Variants in ENAH observed in about 807,000 individuals in gnomAD.
The protein encoded by ENAH is protein enabled homolog.
A neutral mutation model predicts 78.7 loss-of-function variants in ENAH; 23 were observed. That is an observed-to-expected ratio of 0.29 (90% CI 0.21 to 0.41). The LOEUF (loss-of-function observed/expected upper bound fraction) is 0.41, where lower values mean the gene tolerates loss of function less well. Among genes scored for constraint, ENAH ranks in the 10% least tolerant of loss-of-function variants. The probability of loss-of-function intolerance (pLI) is 1.00; values close to 1 mark genes in which losing one functional copy is unlikely to be tolerated. For synonymous variants in ENAH, 226 were observed against 241.0 expected, an observed-to-expected ratio of 0.94 and a Z score of 0.58; for missense variants, 544 against 691.0, an observed-to-expected ratio of 0.79 and a Z score of 2.39.
chr1:225,522,631 G>T (rs1161282035), intron 4 of ENAH, among the ~76,000 whole-genome samples: 1 of 152,148 alleles, frequency 6.6e-6, no homozygotes, highest in Non-Finnish European at 1.5e-5. Flanking sequence ...AGGAAAGTCA[G>T]GGTTGGTTGT....
chr1:225,615,750 T>C (rs1439964613), intron 1 of ENAH, among the ~76,000 whole-genome samples: 2 of 148,284 alleles, frequency 1.3e-5, no homozygotes, highest in African/African-American at 2.5e-5. Context: ...GTCTGGGAGG[T>C]GAGGAGCGTC....
chr1:225,546,458 G>C (rs776708375), intron 3 of ENAH, among the ~76,000 whole-genome samples: 5 of 152,298 alleles, frequency 3.3e-5, no homozygotes, highest in Non-Finnish European at 7.4e-5. Context: ...GAGAGGGAGA[G>C]GGCAAGGGAA....
intron 1 of ENAH, among the ~76,000 whole-genome samples, chr1:225,612,085 T>C (rs2096992919): frequency 6.6e-6 from 1 of 152,146 alleles, no homozygotes; most frequent in Non-Finnish European, 1.5e-5. Context: ...CACTCCTAGA[T>C]ATATGTCCGA....
In ENAH at chr1:225,496,954, A is replaced by G. The variant is rs2096252367; in HGVS notation, c.*821T>C. ...TTACATTATAAAAATGTCCACATGC[A>G]TAAATCTAAAAAAGGTTGAAAACCT... On this transcript the variant is annotated 3_prime_UTR_variant, in exon 14 of 14. Coordinates refer to ENST00000366843, the MANE Select transcript of ENAH (RefSeq NM_018212.6). 1 of 152,680 alleles carries G rather than the reference A, an allele frequency of 6.5e-6. No homozygotes were observed. The highest frequency in any genetic ancestry group is 2.4e-5 in the African/African-American group (1 of 41,470). 9.5% of individuals were successfully genotyped at this position (152,680 alleles called of 1,614,324 possible).
At chr1:225,602,778 C>T (rs1054152470) in intron 1 of ENAH, among the ~76,000 whole-genome samples, 10 of 151,972 alleles carry the variant, frequency 6.6e-5, no homozygotes, top group African/African-American at 2.4e-4. Context: ...AGAGAGAAAA[C>T]TGTCACTGCT....
intron 3 of ENAH, among the ~76,000 whole-genome samples, chr1:225,540,382 T>C (rs1166474445): frequency 6.6e-6 from 1 of 152,204 alleles, no homozygotes; most frequent in Non-Finnish European, 1.5e-5. Context: ...TTTTACTCTT[T>C]ATAAGTAATT....
chr1:225,621,879 A>AGTATTT lies in ENAH; in HGVS notation c.5+30801_5+30806dup, dbSNP rs1481931729. The stretch of plus-strand genomic sequence containing the variant: ...GCTCTACTCAGTCCTTGGAGACAGA[A>AGTATTT]GTATTTGCCTTGGAAGAGGGGAGAC... On this transcript the variant is annotated intron_variant, in intron 1 of 13. Coordinates refer to ENST00000366843, the MANE Select transcript of ENAH (RefSeq NM_018212.6). Among the ~76,000 whole-genome samples, 3 of 152,156 alleles carry AGTATTT rather than the reference A, an allele frequency of 2.0e-5. No homozygotes were observed. In the East Asian group the frequency reaches 5.8e-4, roughly 29 times the overall value.
chr1:225,566,044 A>G (rs1172561877), intron 2 of ENAH, among the ~76,000 whole-genome samples: 1 of 152,048 alleles, frequency 6.6e-6, no homozygotes, highest in Non-Finnish European at 1.5e-5. Context: ...ATTTGTTTTT[A>G]CCACGTGCCC....
In ENAH at chr1:225,652,987, C is replaced by A; in HGVS notation, c.-297G>T. On this transcript the variant is annotated 5_prime_UTR_variant, in exon 1 of 14. Transcript: ENST00000366843. Reference sequence around the variant, plus strand: ...CTCCTCGTGGTCCTGCTCCTCCTCCCGGAGCTTCCTCGGCCGCCCTCTGAG... The same window carrying A: ...CTCCTCGTGGTCCTGCTCCTCCTCCAGGAGCTTCCTCGGCCGCCCTCTGAG... 1 of 310,510 alleles carries A rather than the reference C, an allele frequency of 3.2e-6. No individual in the cohort carries two copies. Among genetic ancestry groups the A allele is most frequent in the South Asian group, 1.5e-4 (1 of 6,736 alleles). 19.2% of individuals were successfully genotyped at this position (310,510 alleles called of 1,614,324 possible). A position where few individuals can be genotyped will look rare whatever the true frequency, so the allele number is the denominator to read the frequency against.
chr1:225,628,358 T>TA (rs1337515873), intron 1 of ENAH, among the ~76,000 whole-genome samples: 4 of 152,192 alleles, frequency 2.6e-5, no homozygotes, highest in Non-Finnish European at 4.4e-5. Context: ...CTTAAGGAAT[T>TA]AGTCTGCAAT....
At chr1:225,516,954 C>T (rs919499531) in intron 6 of ENAH, among the ~76,000 whole-genome samples, 2 of 151,042 alleles carry the variant, frequency 1.3e-5, no homozygotes, top group African/African-American at 2.4e-5. Flanking sequence ...TCTTTAACTG[C>T]GATACTATAA....
intron 1 of ENAH, among the ~76,000 whole-genome samples, chr1:225,635,790 A>G (rs1659957285): frequency 6.6e-6 from 1 of 152,220 alleles, no homozygotes; most frequent in Admixed American, 6.5e-5. Context: ...ACAGACAGGA[A>G]AAGACAGCCA....
intron 3 of ENAH, among the ~76,000 whole-genome samples, chr1:225,548,602 A>G (rs188425350): frequency 1.2e-4 from 19 of 152,294 alleles, no homozygotes; most frequent in African/African-American, 4.6e-4. Context: ...CGAAAACCCA[A>G]TCCCCTTTGT....
intron 11 of ENAH, among the ~76,000 whole-genome samples, chr1:225,503,215 A>G: frequency 6.6e-6 from 1 of 152,350 alleles, no homozygotes; most frequent in Non-Finnish European, 1.5e-5. Context: ...TTTTACCAAA[A>G]AAGTTTATCA....
At position 225,567,420 on chromosome 1, in the gene ENAH, AAAAAT is replaced by A. The variant is rs762547857; in HGVS notation, c.6-11_6-7del. The A allele has an allele frequency of 2.4e-5, 38 of 1,596,924 alleles. No individual in the cohort carries two copies. Among genetic ancestry groups the A allele is most frequent in the African/African-American group, 5.4e-5 (4 of 74,062 alleles). ...CCTGACAGATACTCTGTTCACTGTA[AAAAAT>A]AAAATAAAATATTCAAACTTGCAAT... On this transcript the variant is annotated splice_region_variant and splice_polypyrimidine_tract_variant and intron_variant, in intron 1 of 13. Transcript: ENST00000366843.
rs1207603193 is a variant in ENAH, at chr1:225,500,988, C to T, written c.1617+4G>A. ...ATAAAGGAAAGCTGCCACTGAGCAC[C>T]CACCTGCTTCAGCCTGTCATAGTCA... On this transcript the variant is annotated splice_donor_region_variant and intron_variant, in intron 12 of 13. Transcript: ENST00000366843. 6.2e-7 allele frequency: 1 copy of T among 1,613,602 alleles called. No individual in the cohort carries two copies. Among genetic ancestry groups the T allele is most frequent in the East Asian group, 2.2e-5 (1 of 44,870 alleles).
chr1:225,585,775 T>TGA (rs2096843088), intron 1 of ENAH, among the ~76,000 whole-genome samples: 1 of 150,580 alleles, frequency 6.6e-6, no homozygotes, highest in African/African-American at 2.5e-5. Flanking sequence ...GGAGACAGAG[T>TGA]GAGACCCTGT....
intron 9 of ENAH, 84 bp downstream of exon 9, chr1:225,512,573 A>T: frequency 7.3e-7 from 1 of 1,367,100 alleles, no homozygotes; most frequent in Non-Finnish European, 1.0e-6. Flanking sequence ...AGCCCAAATT[A>T]AATAAATGCT....
rs551411657 is a variant in ENAH at position 225,559,681 on chromosome 1, C to T, written c.172-4598G>A. Among the ~76,000 whole-genome samples, 8 of 152,252 alleles carry T rather than the reference C, an allele frequency of 5.3e-5. No individual in the cohort carries two copies. In the South Asian group the frequency reaches 1.7e-3, roughly 32 times the overall value. On this transcript the variant is annotated intron_variant, in intron 2 of 13. Coordinates refer to ENST00000366843, the MANE Select transcript of ENAH (RefSeq NM_018212.6). ...AACAAAATCAAGTATACAGCACCAG[C>T]AATATCCCACAACTCAAATAGGAGT...
Sources: gnomAD v4.1 joint callset for allele counts (sites outside exome capture counted in the v4.1 genomes callset) on GRCh38, gnomAD v4.1.1 for gene constraint, MANE v1.5 for transcripts, NCBI Gene and HGNC (gene_info 2026-07-23, HGNC 2026-07-21) for gene names.